Variants in ARK2C observed in about 807,000 individuals in gnomAD.
ARK2C encodes the protein E3 ubiquitin-protein ligase ARK2C.
chr18:46,391,380 A>G, the ARK2C span, among the ~76,000 whole-genome samples: 5 of 152,092 alleles, frequency 3.3e-5, no homozygotes, highest in Non-Finnish European at 5.9e-5. Context: ...TGTCCTGGGA[A>G]TCAGAGGCGA....
At chr18:46,334,713 T>TGA in the ARK2C span, 97 of 98,384 alleles carry the variant, frequency 9.9e-4, no homozygotes, top group African/African-American at 3.9e-3. This position sits in a 1 kb window ranked among gnomAD's most constrained non-coding sequence, Gnocchi z 4.4. Context: ...TGTGTGTGTG[T>TGA]GTGAGAGAGA....
the ARK2C span, chr18:46,461,147 A>T: frequency 5.3e-5 from 8 of 152,290 alleles, no homozygotes; most frequent in African/African-American, 1.9e-4. Flanking sequence ...GGGAGCCGGG[A>T]GGCTCAGGTT....
At chr18:46,400,031 GC>G in the ARK2C span, among the ~76,000 whole-genome samples, 1 of 152,314 alleles carries the variant, frequency 6.6e-6, no homozygotes, top group African/African-American at 2.4e-5. Context: ...CAGCCTCTGG[GC>G]CCCTGGGGTG....
At chr18:46,371,530 C>A in the ARK2C span, among the ~76,000 whole-genome samples, 1 of 152,142 alleles carries the variant, frequency 6.6e-6, no homozygotes, top group African/African-American at 2.4e-5. Context: ...GCATTTCTGA[C>A]CAAAAGAGGA....
chr18:46,456,674 C>A, the ARK2C span: 1 of 1,425,418 alleles, frequency 7.0e-7, no homozygotes, highest in Non-Finnish European at 9.9e-7. Context: ...TTTCCTTCAC[C>A]AGGTCCCCCC....
At chr18:46,423,128 C>T in the ARK2C span, among the ~76,000 whole-genome samples, 1 of 152,190 alleles carries the variant, frequency 6.6e-6, no homozygotes, top group Admixed American at 6.5e-5. Context: ...CAGTTAAACC[C>T]TGTGAAATGC....
chr18:46,375,069 G>T, the ARK2C span, among the ~76,000 whole-genome samples: 1 of 152,174 alleles, frequency 6.6e-6, no homozygotes, highest in Non-Finnish European at 1.5e-5. Flanking sequence ...AGGATTTGGG[G>T]TTTCTCCCCA....
the ARK2C span, among the ~76,000 whole-genome samples, chr18:46,420,801 C>T: frequency 6.6e-6 from 1 of 151,496 alleles, no homozygotes; most frequent in Non-Finnish European, 1.5e-5. Context: ...GCCTAGATCG[C>T]ATCATTGTAC....
chr18:46,370,751 C>G, the ARK2C span, among the ~76,000 whole-genome samples: 1 of 152,168 alleles, frequency 6.6e-6, no homozygotes, highest in African/African-American at 2.4e-5. Flanking sequence ...ACCCAATGGA[C>G]AGTTGGGTTG....
the ARK2C span, chr18:46,450,826 A>C: frequency 6.4e-7 from 1 of 1,551,844 alleles, no homozygotes. Flanking sequence ...GCCAGCCTGC[A>C]TAGTCAGGGA....
the ARK2C span, among the ~76,000 whole-genome samples, chr18:46,389,739 T>G: frequency 6.6e-6 from 1 of 151,836 alleles, no homozygotes; most frequent in Non-Finnish European, 1.5e-5. Flanking sequence ...TCTTTCCTTT[T>G]TTTTTTTCAG....
chr18:46,425,621 T>C, the ARK2C span, among the ~76,000 whole-genome samples: 1 of 152,264 alleles, frequency 6.6e-6, no homozygotes, highest in South Asian at 2.1e-4. Flanking sequence ...CTTGCTGCCT[T>C]CCACGGTCCC....
the ARK2C span, among the ~76,000 whole-genome samples, chr18:46,434,777 G>C: frequency 4.4e-4 from 67 of 152,300 alleles, no homozygotes; most frequent in Middle Eastern, 6.8e-3. Context: ...AGGTCAGAAG[G>C]AGAAGAGGTC....
At chr18:46,352,685 G>C in the ARK2C span, among the ~76,000 whole-genome samples, 2 of 152,284 alleles carry the variant, frequency 1.3e-5, no homozygotes, top group East Asian at 1.9e-4. Context: ...GTTAGAAAGA[G>C]CATGACACAG....
At chr18:46,433,723 T>C in the ARK2C span, among the ~76,000 whole-genome samples, 70 of 152,358 alleles carry the variant, frequency 4.6e-4, 2 homozygotes, top group South Asian at 0.014. Context: ...AGGCATCCAC[T>C]TCAGGCAGTG....
chr18:46,341,780 C>A, the ARK2C span, among the ~76,000 whole-genome samples: 1 of 152,158 alleles, frequency 6.6e-6, no homozygotes, highest in Non-Finnish European at 1.5e-5. Context: ...AGCTTTCTTA[C>A]AATATGAACT....
chr18:46,397,661 C>A, the ARK2C span, among the ~76,000 whole-genome samples: 3 of 48,820 alleles, frequency 6.1e-5, no homozygotes, highest in Non-Finnish European at 1.1e-4. Flanking sequence ...CATGCTGGGG[C>A]AGAATTGTGT....
chr18:46,379,969 C>A, the ARK2C span, among the ~76,000 whole-genome samples: 3 of 152,286 alleles, frequency 2.0e-5, no homozygotes, highest in African/African-American at 7.2e-5. Context: ...GGAACTGGAA[C>A]GTCAGAGAAG....
the ARK2C span, among the ~76,000 whole-genome samples, chr18:46,394,972 C>T: frequency 6.6e-6 from 1 of 152,202 alleles, no homozygotes; most frequent in Non-Finnish European, 1.5e-5. Flanking sequence ...CTATAATGTC[C>T]ATGCAAAGCC....
Sources: gnomAD v4.1 joint callset for allele counts (sites outside exome capture counted in the v4.1 genomes callset) on GRCh38, gnomAD v4.1.1 for gene constraint, Gnocchi (gnomAD v3.1) non-coding constraint, MANE v1.5 for transcripts, NCBI Gene and HGNC (gene_info 2026-07-23, HGNC 2026-07-21) for gene names.